ARID3C: variants seen among roughly 807,000 people sequenced by gnomAD.
ARID3C encodes the protein AT-rich interaction domain 3C, also known as AT-rich interactive domain-containing protein 3C.
A neutral mutation model predicts 37.9 loss-of-function variants in ARID3C; 42 were observed. That is an observed-to-expected ratio of 1.11 (90% CI 0.87 to 1.43). The LOEUF is 1.43. ARID3C is among the 40% of genes most tolerant of loss of function. The pLI is 0.00. For synonymous variants in ARID3C, 213 were observed against 228.0 expected (o/e 0.93, Z 0.59); for missense variants, 581 against 548.8 (o/e 1.06, Z -0.59).
chr9:34,627,633 G>T (rs1252767178), intron 1 of ARID3C, 64 bp downstream of exon 2: 12 of 1,472,136 alleles, frequency 8.2e-6, no homozygotes, highest in Non-Finnish European at 1.1e-5. Context: ...TAATCACCTG[G>T]CTGTGCTTTT....
chr9:34,629,477 G>T (rs571135097), upstream of ARID3C, among the ~76,000 whole-genome samples: 4 of 152,372 alleles, frequency 2.6e-5, no homozygotes, highest in East Asian at 7.7e-4. Context: ...CCCTCTGCAA[G>T]ATGCTGGGGT....
intron 2 of ARID3C, 101 bp from the exon 4 acceptor site, chr9:34,624,148 A>G: frequency 1.5e-6 from 2 of 1,375,644 alleles, no homozygotes; most frequent in Non-Finnish European, 9.6e-7. Flanking sequence ...AGGGCGGGAA[A>G]GAGGGAGACT....
Position 34,621,880 on chromosome 9 carries a change from A to G in ARID3C, c.1138+140T>C, listed in dbSNP as rs1053297921. On this transcript the variant is annotated intron_variant, in intron 6 of 6. Coordinates refer to ENST00000378909, the Ensembl canonical transcript of ARID3C. ...CACCCCCTTTAACCCATGCCAGTCT[A>G]GCAATCCCCTGAACTCCATGTTACT... is the stretch of plus-strand genomic sequence containing the variant. The G allele has an allele frequency of 3.5e-6, 3 of 860,376 alleles. No homozygotes were observed. In the African/African-American group the frequency reaches 5.0e-5, roughly 14 times the overall value. 53.3% of individuals were successfully genotyped at this position (860,376 alleles called of 1,614,324 possible).
chr9:34,621,385 G>A, exon 7 of ARID3C: 1 of 1,121,252 alleles, frequency 8.9e-7, no homozygotes, highest in Non-Finnish European at 1.2e-6. Context: ...TGGGCAGCCA[G>A]AAAGAATCAA....
chr9:34,632,406 G>A (rs1299972644), upstream of ARID3C, among the ~76,000 whole-genome samples: 3 of 152,160 alleles, frequency 2.0e-5, no homozygotes, highest in Non-Finnish European at 4.4e-5. Flanking sequence ...GAGGAAACAT[G>A]GGCCTTGGAG....
intron 5 of ARID3C, 90 bp from the exon 7 acceptor site, chr9:34,622,199 C>G: frequency 6.3e-7 from 1 of 1,576,210 alleles, no homozygotes; most frequent in Non-Finnish European, 8.7e-7. Context: ...CCGTAGACAG[C>G]CCCCATTCCA....
intron 4 of ARID3C, among the ~76,000 whole-genome samples, 165 bp from the exon 6 acceptor site, chr9:34,622,694 G>A (rs1050682401): frequency 4.6e-5 from 7 of 152,336 alleles, no homozygotes; most frequent in African/African-American, 1.7e-4. Context: ...AAGCGCTGAA[G>A]CTTTTCTCTA....
Position 34,623,696 on chromosome 9 carries a change from G to C in ARID3C, c.594C>G (p.Tyr198Ter). 1 of 1,559,150 alleles carries C rather than the reference G, an allele frequency of 6.4e-7. No homozygotes were observed. Among genetic ancestry groups the C allele is most frequent in the Non-Finnish European group, 8.7e-7 (1 of 1,154,138 alleles). The stretch of plus-strand genomic sequence containing the variant: ...GCGCTCGAGTCTCGCACTCGTACGG[G>C]TACAGGTACTTCATGTACCTAGGGG... Residue 198 changes from tyrosine (Y) to a stop codon, truncating the protein, a stop_gained, in exon 4 of 7, where the codon TAC becomes TAG. Transcript: ENST00000378909. LOFTEE classifies it high-confidence loss of function.
chr9:34,622,442 G>T, exon 5 of ARID3C: 2 of 1,614,124 alleles, frequency 1.2e-6, no homozygotes, highest in Non-Finnish European at 1.7e-6. Flanking sequence ...CTTCTCTGGG[G>T]GCTCCTCTGG....
At position 34,622,496 on chromosome 9, in the gene ARID3C, AG is replaced by A. The variant is rs1240751151; in HGVS notation, c.898del (p.Leu300CysfsTer26). The A allele has an allele frequency of 1.9e-6, 3 of 1,611,354 alleles. No homozygotes were observed. Among genetic ancestry groups the A allele is most frequent in the Non-Finnish European group, 2.5e-6 (3 of 1,179,034 alleles). ...AGGTCCCAGTGCCAGGCCCACAGGC[AG>A]TGCCAGACAAGGGTTTGGAATTCCA... On this transcript the variant is annotated frameshift_variant, in exon 5 of 7. Transcript: ENST00000378909. LOFTEE classifies it high-confidence loss of function.
intron 2 of ARID3C, 41 bp from the exon 4 acceptor site, chr9:34,624,088 A>G: frequency 6.5e-7 from 1 of 1,531,236 alleles, no homozygotes; most frequent in Non-Finnish European, 8.8e-7. Context: ...TGAGACGAAG[A>G]CCCTGTCTGC....
upstream of ARID3C, among the ~76,000 whole-genome samples, chr9:34,632,115 C>T (rs752435928): frequency 6.6e-6 from 1 of 152,176 alleles, no homozygotes; most frequent in African/African-American, 2.4e-5. Context: ...TTAGGCTTCA[C>T]CTCTTGAAGG....
rs1334414839 is a variant in ARID3C, at chr9:34,623,147, CA to C, written c.865+277del. Among the ~76,000 whole-genome samples the C allele has an allele frequency of 6.5e-3, 473 of 72,432 alleles. 3 individuals are homozygous for C. Among genetic ancestry groups the C allele is most frequent in the African/African-American group, 0.014 (259 of 17,936 alleles). 47.5% of individuals were successfully genotyped at this position (72,432 alleles called of 152,430 possible). On this transcript the variant is annotated intron_variant, in intron 4 of 6. Coordinates refer to ENST00000378909, the Ensembl canonical transcript of ARID3C. ...GGCGACGGAACGAGACTCCGTCTCA[CA>C]AAAAAAAAAAAAAAAGAAAAAAAGA...
At chr9:34,628,752 C>A (rs762749274), upstream of ARID3C, among the ~76,000 whole-genome samples, 7 of 152,074 alleles carry the variant, frequency 4.6e-5, no homozygotes, top group African/African-American at 7.2e-5. The surrounding 1 kb of genome is among the most constrained non-coding windows in gnomAD (Gnocchi z 5.2). Flanking sequence ...GAGACAGGGA[C>A]GGGAAAAACA....
exon 6 of ARID3C, chr9:34,622,068 T>C (rs762265867): frequency 1.2e-6 from 2 of 1,614,106 alleles, no homozygotes; most frequent in Admixed American, 3.3e-5. Flanking sequence ...ATACTGCTGA[T>C]GCCACTGCCT....
At chr9:34,628,952 C>T (rs1450425296), upstream of ARID3C, among the ~76,000 whole-genome samples, 1 of 152,034 alleles carries the variant, frequency 6.6e-6, no homozygotes, top group Non-Finnish European at 1.5e-5. The surrounding 1 kb of genome is among the most constrained non-coding windows in gnomAD (Gnocchi z 5.2). Flanking sequence ...GGCGTCTCCA[C>T]GGCGCTGCCT....
At chr9:34,621,872 G>T in intron 6 of ARID3C, 148 bp downstream of exon 7, 2 of 805,654 alleles carry the variant, frequency 2.5e-6, no homozygotes, top group Non-Finnish European at 4.0e-6. Context: ...TTTAACCCAT[G>T]CCAGTCTAGC....
chr9:34,631,904 C>T (rs1820726062), upstream of ARID3C, among the ~76,000 whole-genome samples: 2 of 152,316 alleles, frequency 1.3e-5, no homozygotes, highest in South Asian at 2.1e-4. Context: ...GGGCCTGTTC[C>T]CCCCGCAATA....
exon 6 of ARID3C, chr9:34,622,095 C>T: frequency 6.2e-7 from 1 of 1,614,118 alleles, no homozygotes; most frequent in Non-Finnish European, 8.5e-7. Flanking sequence ...TTAAGAGGCC[C>T]ATCCAGCCGC....
Sources: allele counts gnomAD v4.1 joint callset (sites outside exome capture counted in the v4.1 genomes callset), GRCh38; gene constraint gnomAD v4.1.1; non-coding constraint Gnocchi (gnomAD v3.1); transcripts MANE v1.5; gene names NCBI Gene and HGNC (gene_info 2026-07-23, HGNC 2026-07-21).